CARMIL1: variants seen among roughly 807,000 people sequenced by gnomAD.
CARMIL1 encodes the protein capping protein regulator and myosin 1 linker 1.
In CARMIL1, 90 loss-of-function variants were observed where a neutral mutation model predicts 177.1. The observed-to-expected ratio is 0.51, with a 90% CI of 0.43 to 0.61. CARMIL1 has a LOEUF of 0.61. Ranked by LOEUF, CARMIL1 falls within the 20% of genes least tolerant of loss-of-function variation. CARMIL1 has a pLI of 0.00. For missense variants in CARMIL1, 1,380 were observed against 1,667.0 expected (o/e 0.83, Z 3.00); for synonymous variants, 577 against 606.2 (o/e 0.95, Z 0.71).
intron 2 of CARMIL1, among the ~76,000 whole-genome samples, chr6:25,408,292 TAAAAAAA>T (rs1166997029): frequency 1.0e-5 from 1 of 96,456 alleles, no homozygotes; most frequent in African/African-American, 4.2e-5. Context: ...TCTCTTAAAA[TAAAAAAA>T]AAAAAAAAAA....
intron 4 of CARMIL1, among the ~76,000 whole-genome samples, chr6:25,428,675 T>C (rs369869980): frequency 3.3e-5 from 5 of 152,216 alleles, no homozygotes; most frequent in African/African-American, 1.2e-4. Context: ...ATTTCTCCAT[T>C]TGTTTAGGTC....
In CARMIL1 at chr6:25,594,290, G is replaced by A. The variant is rs192624778; in HGVS notation, c.3007-125G>A. 73 of 588,804 alleles carry A rather than the reference G, an allele frequency of 1.2e-4. No homozygotes were observed. The East Asian group carries it at 1.5e-3, about 12-fold the overall frequency. The allele number at this position is 588,804 out of a possible 1,614,324, so 36.5% of individuals were successfully genotyped here. ...TATGGCTTCTATTCCTGTAGATTAC[G>A]TGGTCCCTATTTTAGTGAGCCTTGT... On this transcript the variant is annotated intron_variant, in intron 31 of 36. Coordinates refer to ENST00000329474, the MANE Select transcript of CARMIL1 (RefSeq NM_017640.6).
chr6:25,527,571 A>G (rs1807274504), intron 23 of CARMIL1: 1 of 347,770 alleles, frequency 2.9e-6, no homozygotes, highest in Non-Finnish European at 5.6e-6. Context: ...AATATTTTGC[A>G]TTGATAGTCA....
intron 8 of CARMIL1, among the ~76,000 whole-genome samples, chr6:25,459,248 TTCTTTCTTTCTTTCTTTC>T (rs1799844101): frequency 8.5e-6 from 1 of 117,100 alleles, no homozygotes; most frequent in African/African-American, 3.1e-5. Flanking sequence ...CTTTCTTTCT[TTCTTTCTTTCTTTCTTTC>T]TTTTTTTTTT....
At chr6:25,517,008 A>G (rs932219088) in intron 21 of CARMIL1, among the ~76,000 whole-genome samples, 3 of 152,146 alleles carry the variant, frequency 2.0e-5, no homozygotes, top group African/African-American at 7.2e-5. Flanking sequence ...CCTCAGACAT[A>G]AATATAAGAA....
At chr6:25,553,934 A>G (rs1176182288) in intron 27 of CARMIL1, 75 bp from the exon 28 acceptor site, 12 of 897,824 alleles carry the variant, frequency 1.3e-5, no homozygotes, top group East Asian at 7.9e-5. Flanking sequence ...CCTTATCACT[A>G]TAGCAGCAAG....
intron 2 of CARMIL1, among the ~76,000 whole-genome samples, chr6:25,382,417 T>TA (rs2150490768): frequency 1.3e-5 from 2 of 152,284 alleles, no homozygotes; most frequent in South Asian, 4.2e-4. Flanking sequence ...CGGTGAGTGT[T>TA]ACAGCTCTTA....
intron 35 of CARMIL1, 60 bp downstream of exon 35, chr6:25,606,333 G>A (rs1815967278): frequency 6.6e-7 from 1 of 1,517,468 alleles, no homozygotes; most frequent in Admixed American, 1.9e-5. Flanking sequence ...GAGCCAGCTG[G>A]ATCAGACTCT....
intron 2 of CARMIL1, among the ~76,000 whole-genome samples, chr6:25,336,780 C>T (rs929562601): frequency 2.6e-5 from 4 of 152,166 alleles, no homozygotes; most frequent in Non-Finnish European, 5.9e-5. Context: ...TCAGGAAACA[C>T]AGAACACTTA....
intron 11 of CARMIL1, chr6:25,479,223 T>G: frequency 1.9e-6 from 1 of 519,034 alleles, no homozygotes; most frequent in Non-Finnish European, 3.8e-6. Flanking sequence ...ATAACTACTA[T>G]TCTGACTTCT....
chr6:25,554,224 C>A lies in CARMIL1; in HGVS notation c.2592+128C>A. Reference sequence around the variant, plus strand: ...CTATTACAGCTTTATGGTTTGTGATCTTGGTTTTCCTCCTTTCTCTTCTAT... The same window carrying A: ...CTATTACAGCTTTATGGTTTGTGATATTGGTTTTCCTCCTTTCTCTTCTAT... On this transcript the variant is annotated intron_variant, in intron 28 of 36. Transcript: ENST00000329474. This position sits in a 1 kb window ranked among gnomAD's most constrained non-coding sequence, Gnocchi z 4.6. 2 of 692,660 alleles carry A rather than the reference C, an allele frequency of 2.9e-6. No homozygotes were observed. Among genetic ancestry groups the A allele is most frequent in the Non-Finnish European group, 5.0e-6 (2 of 403,264 alleles). The allele number at this position is 692,660 out of a possible 1,614,324, so 42.9% of individuals were successfully genotyped here.
intron 5 of CARMIL1, among the ~76,000 whole-genome samples, chr6:25,441,894 A>AT (rs11357159): frequency 0.22 from 33,464 of 148,984 alleles, 4,115 homozygotes; most frequent in Non-Finnish European, 0.28. Context: ...ACAAAGCTAG[A>AT]TTTTTTTTTT....
chr6:25,495,208 C>T lies in CARMIL1; in HGVS notation c.1318C>T (p.Pro440Ser). The change falls in exon 16 of 37, where the codon CCC becomes TCC. Residue 440 changes from proline (P) to serine (S), a missense_variant. Transcript: ENST00000329474. ...TTCAGGCACAAAACTGTCTCCTGAGCCCTTAAAGTGAGTGGTTAATTCACT... is the reference window on the plus strand; with the variant it reads ...TTCAGGCACAAAACTGTCTCCTGAGTCCTTAAAGTGAGTGGTTAATTCACT... ...NLSGTKLSPE[P>S]LKALLLGLAC... 1.2e-6 allele frequency: 2 copies of T among 1,603,922 alleles called. No homozygotes were observed. The highest frequency in any genetic ancestry group is 1.7e-6 in the Non-Finnish European group (2 of 1,174,120).
chr6:25,471,028 CGTA>C (rs1215879984), intron 9 of CARMIL1, 138 bp from the exon 10 acceptor site: 1 of 508,488 alleles, frequency 2.0e-6, no homozygotes, highest in Non-Finnish European at 3.5e-6. Context: ...CACGATGGTG[CGTA>C]GTAGTAGATG....
intron 8 of CARMIL1, among the ~76,000 whole-genome samples, chr6:25,465,305 G>A (rs935575224): frequency 6.6e-6 from 1 of 152,108 alleles, no homozygotes; most frequent in Admixed American, 6.5e-5. Context: ...AGGTGGTTGA[G>A]TTTCTTTGAG....
At chr6:25,439,367 A>G (rs1380012721) in intron 5 of CARMIL1, among the ~76,000 whole-genome samples, 2 of 152,208 alleles carry the variant, frequency 1.3e-5, no homozygotes, top group East Asian at 3.8e-4. Context: ...GGTGAGTGCC[A>G]TTGAGCACAA....
chr6:25,463,762 A>G (rs1212574891), intron 8 of CARMIL1, among the ~76,000 whole-genome samples: 1 of 151,864 alleles, frequency 6.6e-6, no homozygotes, highest in African/African-American at 2.4e-5. Context: ...CATGTGGTCA[A>G]TGGAGGGGGA....
chr6:25,401,796 A>G (rs1176027768), intron 2 of CARMIL1, among the ~76,000 whole-genome samples: 1 of 152,178 alleles, frequency 6.6e-6, no homozygotes, highest in Non-Finnish European at 1.5e-5. Context: ...TCCTAACTAA[A>G]CCACCTTATC....
rs200975183 is a variant in CARMIL1, at chr6:25,441,381, G to A, written c.371+5777G>A. On this transcript the variant is annotated intron_variant, in intron 5 of 36. Transcript: ENST00000329474. ...TGTGTGTGTGTGTGTGTCTATGTGTGTGTGTGTGTATGTATATGTAATCAG... is the reference window on the plus strand; with the variant it reads ...TGTGTGTGTGTGTGTGTCTATGTGTATGTGTGTGTATGTATATGTAATCAG... Among the ~76,000 whole-genome samples the A allele has an allele frequency of 4.1e-5, 6 of 148,034 alleles. No homozygotes were observed. In the Admixed American group the frequency reaches 4.1e-4, roughly 10 times the overall value.
Sources: gnomAD v4.1 joint callset for allele counts (sites outside exome capture counted in the v4.1 genomes callset) on GRCh38, gnomAD v4.1.1 for gene constraint, Gnocchi (gnomAD v3.1) non-coding constraint, MANE v1.5 for transcripts, NCBI Gene and HGNC (gene_info 2026-07-23, HGNC 2026-07-21) for gene names.